Variants in COL4A1 observed in about 807,000 individuals in gnomAD.
COL4A1 encodes collagen alpha-1(IV) chain.
In COL4A1, 40 loss-of-function variants were observed where a neutral mutation model predicts 216.6. The ratio of observed to expected loss-of-function variants is 0.18; its 90% confidence interval spans 0.14 to 0.24. The LOEUF (loss-of-function observed/expected upper bound fraction) is 0.24. Among genes scored for constraint, COL4A1 ranks in the 10% least tolerant of loss-of-function variants. COL4A1 has a pLI of 1.00. For synonymous variants in COL4A1, 839 were observed against 810.7 expected (o/e 1.03, Z -0.59); for missense variants, 1,628 against 2,196.8 (o/e 0.74, Z 5.18).
chr13:110,280,110 T>C (rs944542163), intron 1 of COL4A1, among the ~76,000 whole-genome samples: 8 of 152,210 alleles, frequency 5.3e-5, no homozygotes, highest in Non-Finnish European at 1.0e-4. Context: ...TCTAAATCCA[T>C]TACCAAATGA....
At chr13:110,222,078 A>G (rs1880508993) in intron 2 of COL4A1, among the ~76,000 whole-genome samples, 2 of 152,184 alleles carry the variant, frequency 1.3e-5, no homozygotes, top group Non-Finnish European at 2.9e-5. Context: ...GGGCGTCCGT[A>G]GACACCCACC....
rs138809869 is a variant in COL4A1, at chr13:110,205,389, G to C, written c.921C>G (p.Pro307=). The change falls in exon 17 of 52, where the codon CCC becomes CCG. Residue 307 remains proline, a synonymous_variant. Coordinates refer to ENST00000375820, the MANE Select transcript of COL4A1 (RefSeq NM_001845.6). ...EKGSPGFPGE[P]GYPGLIGRQG... is the part of the protein sequence containing the mutation. ...GGCGGCCTATGAGTCCTGGGTACCC[G>C]GGTTCACCAGGAAAACCCTGAAACC... 3 of 1,614,016 alleles carry C rather than the reference G, an allele frequency of 1.9e-6. No individual in the cohort carries two copies. Among genetic ancestry groups the C allele is most frequent in the Admixed American group, 3.3e-5 (2 of 60,010 alleles).
intron 1 of COL4A1, among the ~76,000 whole-genome samples, chr13:110,245,495 T>C (rs552375067): frequency 1.3e-5 from 2 of 152,192 alleles, no homozygotes; most frequent in South Asian, 4.1e-4. Context: ...CAGCCTGAAG[T>C]AGTGTGGATT....
chr13:110,229,848 G>A (rs1380221344), intron 2 of COL4A1, among the ~76,000 whole-genome samples: 1 of 152,148 alleles, frequency 6.6e-6, no homozygotes, highest in African/African-American at 2.4e-5. Context: ...AAAAGAAAAA[G>A]CCCTATGCCT....
At chr13:110,159,133 C>T (rs962026899) in intron 49 of COL4A1, among the ~76,000 whole-genome samples, 1 of 152,148 alleles carries the variant, frequency 6.6e-6, no homozygotes, top group African/African-American at 2.4e-5. Flanking sequence ...CATCTTACTT[C>T]CTATCAGGGA....
chr13:110,295,520 C>T (rs1241679203), intron 1 of COL4A1, among the ~76,000 whole-genome samples: 1 of 150,126 alleles, frequency 6.7e-6, no homozygotes, highest in Non-Finnish European at 1.5e-5. Flanking sequence ...CCACCTCCCC[C>T]ATTCAAGCGA....
Position 110,162,306 on chromosome 13 carries a change from A to G in COL4A1, c.4386T>C (p.Ser1462=), listed in dbSNP as rs765946790. Residue 1462 remains serine (S), a synonymous_variant, in exon 48 of 52, where the codon TCT becomes TCC. Transcript: ENST00000375820. Reference sequence around the variant, plus strand: ...ACCCGTGGTAAAGAATTTTGGTCCCAGAAGGACACTGTGGGTCATCTATTG... The same window carrying G: ...ACCCGTGGTAAAGAATTTTGGTCCCGGAAGGACACTGTGGGTCATCTATTG... The part of the protein sequence containing the change: ...SQTIDDPQCP[S]GTKILYHGYS... 6.2e-7 allele frequency: 1 copy of G among 1,614,254 alleles called. No individual in the cohort carries two copies. Among genetic ancestry groups the G allele is most frequent in the Admixed American group, 1.7e-5 (1 of 60,032 alleles).
chr13:110,194,480 T>C (rs1446078694), intron 22 of COL4A1, among the ~76,000 whole-genome samples: 3 of 152,110 alleles, frequency 2.0e-5, no homozygotes, highest in Non-Finnish European at 4.4e-5. Context: ...AAGAGATAAA[T>C]AAGTGTCCTG....
intron 1 of COL4A1, among the ~76,000 whole-genome samples, chr13:110,281,527 T>C (rs1883633159): frequency 6.6e-6 from 1 of 151,864 alleles, no homozygotes. Context: ...AGAGAGAAAA[T>C]GTTTAAAAAA....
chr13:110,277,962 C>G (rs1267311101), intron 1 of COL4A1, among the ~76,000 whole-genome samples: 1 of 152,174 alleles, frequency 6.6e-6, no homozygotes, highest in Non-Finnish European at 1.5e-5. Context: ...ATGAAAGTTT[C>G]TAAAAAATTC....
chr13:110,177,467 T>C (rs1279151598), intron 33 of COL4A1, among the ~76,000 whole-genome samples: 3 of 152,184 alleles, frequency 2.0e-5, no homozygotes, highest in Non-Finnish European at 2.9e-5. Context: ...TGGAACAACT[T>C]CAAATAACGA....
intron 1 of COL4A1, among the ~76,000 whole-genome samples, chr13:110,252,444 C>T (rs999116838): frequency 1.9e-5 from 2 of 102,870 alleles, no homozygotes; most frequent in African/African-American, 4.0e-5. Context: ...TATAATTATA[C>T]GTATATGTAT....
intron 22 of COL4A1, among the ~76,000 whole-genome samples, chr13:110,193,539 TA>T (rs1032253624): frequency 2.0e-5 from 3 of 152,242 alleles, no homozygotes; most frequent in Non-Finnish European, 4.4e-5. Context: ...GTGTCTTAAA[TA>T]TTGAAATGTC....
intron 1 of COL4A1, among the ~76,000 whole-genome samples, chr13:110,285,025 T>A (rs611586): frequency 1 from 152,225 of 152,366 alleles, 76,042 homozygotes; most frequent in Non-Finnish European, 1. Context: ...GCACATGCCC[T>A]CAGCAGCACA....
At chr13:110,193,627 C>A (rs570250309) in intron 22 of COL4A1, among the ~76,000 whole-genome samples, 2 of 152,350 alleles carry the variant, frequency 1.3e-5, no homozygotes, top group South Asian at 4.1e-4. Flanking sequence ...GACATCGAGG[C>A]GGCGTGGCCA....
intron 2 of COL4A1, among the ~76,000 whole-genome samples, chr13:110,235,491 A>T (rs1028771688): frequency 6.6e-6 from 1 of 152,082 alleles, no homozygotes; most frequent in Non-Finnish European, 1.5e-5. Flanking sequence ...TCTACTAAAA[A>T]TACAAAAAAA....
intron 2 of COL4A1, among the ~76,000 whole-genome samples, chr13:110,223,203 T>C (rs1404884295): frequency 1.3e-5 from 2 of 152,174 alleles, no homozygotes; most frequent in Non-Finnish European, 2.9e-5. Context: ...CTACAAAGCA[T>C]GCATAAAATA....
At chr13:110,216,705 C>T (rs1333360311) in intron 2 of COL4A1, among the ~76,000 whole-genome samples, 1 of 152,200 alleles carries the variant, frequency 6.6e-6, no homozygotes, top group East Asian at 1.9e-4. Flanking sequence ...GGTCAGCCTC[C>T]ACCATAGTCC....
In COL4A1 at chr13:110,166,321, G is replaced by C. The variant is rs760245108; in HGVS notation, c.3950-18C>G. On this transcript the variant is annotated intron_variant, in intron 44 of 51. Transcript: ENST00000375820. ...TTTTGGACCTAAAAGCAGAGGGAAAGCACTGTCTTGCACAGAATTCCCAAT... is the reference window on the plus strand; with the variant it reads ...TTTTGGACCTAAAAGCAGAGGGAAACCACTGTCTTGCACAGAATTCCCAAT... 4 of 1,476,600 alleles carry C rather than the reference G, an allele frequency of 2.7e-6. No individual in the cohort carries two copies. In the East Asian group the frequency reaches 9.0e-5, roughly 33 times the overall value. The allele number at this position is 1,476,600 out of a possible 1,614,324, so 91.5% of individuals were successfully genotyped here. A position where few individuals can be genotyped will look rare whatever the true frequency, so the allele number is the denominator to read the frequency against.
Sources: allele counts gnomAD v4.1 joint callset (sites outside exome capture counted in the v4.1 genomes callset), GRCh38; gene constraint gnomAD v4.1.1; transcripts MANE v1.5; gene names NCBI Gene and HGNC (gene_info 2026-07-23, HGNC 2026-07-21).